CRACR2A: variants seen among roughly 807,000 people sequenced by gnomAD.
The protein encoded by CRACR2A is calcium release activated channel regulator 2A.
A neutral mutation model predicts 90.5 loss-of-function variants in CRACR2A; 79 were observed. That is an observed-to-expected ratio of 0.87 (90% CI 0.73 to 1.05). The LOEUF (loss-of-function observed/expected upper bound fraction) is 1.05, where lower values mean the gene tolerates loss of function less well. CRACR2A is among the 50% of genes least tolerant of loss of function. The pLI is 0.00. For synonymous variants in CRACR2A, 338 were observed against 356.7 expected (o/e 0.95, Z 0.59); for missense variants, 823 against 897.2 (o/e 0.92, Z 1.06).
intron 2 of CRACR2A, chr12:3,727,249 T>C (rs1355728055): frequency 6.6e-6 from 1 of 151,628 alleles, no homozygotes; most frequent in East Asian, 1.9e-4. Context: ...TGGGTAAATC[T>C]TGAAGGAGAA....
intron 2 of CRACR2A, chr12:3,727,316 A>T (rs1312093623): frequency 1.3e-5 from 2 of 152,200 alleles, no homozygotes; most frequent in Non-Finnish European, 2.9e-5. Context: ...CATGATAGCT[A>T]ATTTTTGCAA....
chr12:3,715,192 A>G (rs1754570705), intron 2 of CRACR2A, among the ~76,000 whole-genome samples: 1 of 152,254 alleles, frequency 6.6e-6, no homozygotes, highest in African/African-American at 2.4e-5. Flanking sequence ...GGTTGGGGGA[A>G]AGGCTTTAAC....
At chr12:3,750,027 C>T (rs1165467766) in intron 1 of CRACR2A, among the ~76,000 whole-genome samples, 1 of 151,930 alleles carries the variant, frequency 6.6e-6, no homozygotes, top group African/African-American at 2.4e-5. Flanking sequence ...AACACCGCCT[C>T]CCGGGTTCAA....
At chr12:3,748,578 A>G (rs1377706496) in intron 1 of CRACR2A, among the ~76,000 whole-genome samples, 1 of 152,288 alleles carries the variant, frequency 6.6e-6, no homozygotes, top group East Asian at 1.9e-4. Flanking sequence ...TAACTTTGTC[A>G]TCACAGGGTG....
At chr12:3,644,569 C>G in intron 12 of CRACR2A, 26 bp downstream of exon 12, 1 of 1,550,664 alleles carries the variant, frequency 6.4e-7, no homozygotes, top group Non-Finnish European at 8.7e-7. Context: ...TGGTCCCCCA[C>G]AGGTAAGGGA....
At chr12:3,631,415 C>T (rs1359094111) in intron 15 of CRACR2A, among the ~76,000 whole-genome samples, 2 of 152,168 alleles carry the variant, frequency 1.3e-5, no homozygotes, top group Admixed American at 1.3e-4. Flanking sequence ...CTGAGGCCTG[C>T]AGGCTGGGCA....
At chr12:3,701,161 TG>T (rs1216836403) in intron 3 of CRACR2A, among the ~76,000 whole-genome samples, 5 of 148,502 alleles carry the variant, frequency 3.4e-5, no homozygotes, top group Admixed American at 1.3e-4. Context: ...TTGAACTAAA[TG>T]GAAAAAAAAA....
In CRACR2A at chr12:3,638,469, AAG is replaced by A. The variant is rs2137358939; in HGVS notation, c.1272-17_1272-16del. 7 of 1,520,548 alleles carry A rather than the reference AAG, an allele frequency of 4.6e-6. No homozygotes were observed. The highest frequency in any genetic ancestry group is 2.7e-6 in the Non-Finnish European group (3 of 1,130,686). 94.2% of individuals were successfully genotyped at this position (1,520,548 alleles called of 1,614,324 possible). A position where few individuals can be genotyped will look rare whatever the true frequency, so the allele number is the denominator to read the frequency against. ...CCTCTGACTGGCTACTGGGGCGGGG[AAG>A]AGAGAAGAGTTGGGAGGATTTCACA... On this transcript the variant is annotated splice_polypyrimidine_tract_variant and intron_variant, in intron 13 of 19. Coordinates refer to ENST00000440314, the MANE Select transcript of CRACR2A (RefSeq NM_001144958.2).
intron 12 of CRACR2A, among the ~76,000 whole-genome samples, chr12:3,642,527 G>GA (rs1317030726): frequency 6.6e-6 from 1 of 152,050 alleles, no homozygotes; most frequent in African/African-American, 2.4e-5. Flanking sequence ...ATAGAAAAAA[G>GA]AAAAAATATT....
intron 14 of CRACR2A, among the ~76,000 whole-genome samples, chr12:3,636,639 C>T (rs908322870): frequency 6.6e-6 from 1 of 152,186 alleles, no homozygotes; most frequent in Admixed American, 6.5e-5. Context: ...TCACATTTTA[C>T]GGGGACATCT....
intron 3 of CRACR2A, among the ~76,000 whole-genome samples, chr12:3,706,281 G>T (rs1445397491): frequency 2.6e-5 from 4 of 152,196 alleles, no homozygotes; most frequent in Non-Finnish European, 5.9e-5. Context: ...ATGCTGAGCT[G>T]CGTCTCACAG....
intron 3 of CRACR2A, among the ~76,000 whole-genome samples, chr12:3,702,194 T>C (rs1183164837): frequency 6.6e-6 from 1 of 152,114 alleles, no homozygotes; most frequent in African/African-American, 2.4e-5. Flanking sequence ...ACAGCTAACA[T>C]CATACTTAAG....
chr12:3,665,453 T>C (rs1294887905), intron 7 of CRACR2A, among the ~76,000 whole-genome samples: 1 of 152,234 alleles, frequency 6.6e-6, no homozygotes, highest in Non-Finnish European at 1.5e-5. Flanking sequence ...TGAAGTGTCC[T>C]ATATCTGAAA....
chr12:3,640,653 T>C, intron 13 of CRACR2A: 1 of 1,305,430 alleles, frequency 7.7e-7, no homozygotes, highest in Non-Finnish European at 1.0e-6. Flanking sequence ...GTTTTACTGA[T>C]GAGCTGATTT....
Position 3,644,578 on chromosome 12 carries a change from G to A in CRACR2A, c.1164+17C>T. ...AGCCCTTGGTCCCCCACAGGTAAGG[G>A]AGAACTGGCCAATTACCTGAAAACA... On this transcript the variant is annotated intron_variant, in intron 12 of 19. Coordinates refer to ENST00000440314, the MANE Select transcript of CRACR2A (RefSeq NM_001144958.2). 4 of 1,551,102 alleles carry A rather than the reference G, an allele frequency of 2.6e-6. No homozygotes were observed. Among genetic ancestry groups the A allele is most frequent in the Non-Finnish European group, 3.5e-6 (4 of 1,146,938 alleles).
intron 4 of CRACR2A, among the ~76,000 whole-genome samples, chr12:3,693,893 G>A (rs1455904451): frequency 2.6e-5 from 4 of 152,148 alleles, no homozygotes; most frequent in African/African-American, 7.2e-5. Flanking sequence ...ATCAGCTGGC[G>A]TGGCGCCTCT....
intron 11 of CRACR2A, chr12:3,648,318 C>T (rs142666646): frequency 1.4e-5 from 21 of 1,452,276 alleles, no homozygotes; most frequent in African/African-American, 5.6e-5. Context: ...AGCCTCCCCA[C>T]CAGGAGGAAT....
intron 10 of CRACR2A, 115 bp downstream of exon 10, chr12:3,654,097 C>T (rs1944850682): frequency 7.9e-7 from 1 of 1,265,936 alleles, no homozygotes; most frequent in Non-Finnish European, 1.1e-6. Context: ...GAGCAACAAG[C>T]CCAAATCCTC....
chr12:3,698,689 G>A (rs960188864), intron 3 of CRACR2A, among the ~76,000 whole-genome samples: 2 of 152,198 alleles, frequency 1.3e-5, no homozygotes, highest in African/African-American at 4.8e-5. Context: ...CTAATCCTAA[G>A]CAGATTTAAC....
Sources: gnomAD v4.1 joint callset for allele counts (sites outside exome capture counted in the v4.1 genomes callset) on GRCh38, gnomAD v4.1.1 for gene constraint, MANE v1.5 for transcripts, NCBI Gene and HGNC (gene_info 2026-07-23, HGNC 2026-07-21) for gene names.